SCN4A: variants seen among roughly 807,000 people sequenced by gnomAD.
SCN4A encodes the protein sodium channel protein type 4 subunit alpha.
A neutral mutation model predicts 162.0 loss-of-function variants in SCN4A; 83 were observed. The ratio of observed to expected loss-of-function variants is 0.51; its 90% confidence interval spans 0.43 to 0.61. The LOEUF is 0.61. SCN4A is among the 20% of genes least tolerant of loss of function. SCN4A has a pLI of 0.00. For synonymous variants in SCN4A, 944 were observed against 985.1 expected (o/e 0.96, Z 0.78); for missense variants, 2,196 against 2,462.5 (o/e 0.89, Z 2.29).
At chr17:63,963,526 C>CA in intron 10 of SCN4A, 146 bp downstream of exon 10, 3 of 716,202 alleles carry the variant, frequency 4.2e-6, no homozygotes, top group Non-Finnish European at 6.3e-6. Context: ...GAAGCTGGTC[C>CA]AGCCAGGCCC....
intron 8 of SCN4A, among the ~76,000 whole-genome samples, 172 bp downstream of exon 8, chr17:63,965,930 G>A (rs1909427210): frequency 6.6e-6 from 1 of 152,220 alleles, no homozygotes; most frequent in Non-Finnish European, 1.5e-5. Flanking sequence ...CGGGGCAGGT[G>A]TCTAGTTTCA....
Position 63,947,069 on chromosome 17 carries a change from T to TGCCCTCAGGGGACGCAGG in SCN4A, c.3399_3416dup (p.Arg1135_Leu1140dup). ...CCCTCATGCCCTCGAATCGGGACAG[T>TGCCCTCAGGGGACGCAGG]GCCCTCAGGGGACGCAGGGCCCGCA... is the stretch of plus-strand genomic sequence containing the variant. On this transcript the variant is annotated inframe_insertion, in exon 18 of 24. Coordinates refer to ENST00000435607, the MANE Select transcript of SCN4A (RefSeq NM_000334.4). The TGCCCTCAGGGGACGCAGG allele has an allele frequency of 6.2e-7, 1 of 1,602,856 alleles. No homozygotes were observed. The highest frequency in any genetic ancestry group is 8.5e-7 in the Non-Finnish European group (1 of 1,173,714).
chr17:63,953,273 TC>T (rs930937726), intron 13 of SCN4A, among the ~76,000 whole-genome samples: 33 of 151,588 alleles, frequency 2.2e-4, no homozygotes, highest in Admixed American at 1.1e-3. Context: ...GGCAGGAGAA[TC>T]GCTTGAACCC....
In SCN4A at chr17:63,950,741, T is replaced by A. The variant is rs1908881214; in HGVS notation, c.2853+683A>T. On this transcript the variant is annotated intron_variant, in intron 14 of 23. Coordinates refer to ENST00000435607, the MANE Select transcript of SCN4A (RefSeq NM_000334.4). The surrounding 1 kb of genome is among the most constrained non-coding windows in gnomAD (Gnocchi z 4.6). ...GCTCAAGACCCAGGCAGGGTCAGCC[T>A]CAGCCTCAGCCTCAGCTGCTGGGGG... Among the ~76,000 whole-genome samples the A allele has an allele frequency of 6.6e-6, 1 of 152,118 alleles. No individual in the cohort carries two copies. Among genetic ancestry groups the A allele is most frequent in the South Asian group, 2.1e-4 (1 of 4,834 alleles).
At chr17:63,963,645 G>A in intron 10 of SCN4A, 27 bp downstream of exon 10, 1 of 1,525,224 alleles carries the variant, frequency 6.6e-7, no homozygotes, top group Non-Finnish European at 8.8e-7. Flanking sequence ...CCCTACCTAA[G>A]TGGGCACGGG....
chr17:63,954,389 C>T (rs918224660), intron 13 of SCN4A, among the ~76,000 whole-genome samples: 1 of 152,100 alleles, frequency 6.6e-6, no homozygotes, highest in Non-Finnish European at 1.5e-5. Flanking sequence ...GGGGAGGCAT[C>T]CAGTTGCCAG....
At chr17:63,957,627 C>A (rs575939608) in intron 12 of SCN4A, 109 bp from the exon 13 acceptor site, 12 of 703,610 alleles carry the variant, frequency 1.7e-5, no homozygotes, top group Non-Finnish European at 2.6e-5. Flanking sequence ...TCCAGCCCCC[C>A]ACACCATCTG....
At position 63,945,710 on chromosome 17, in the gene SCN4A, C is replaced by T. The variant is rs764764525; in HGVS notation, c.3442-72G>A. 82 of 1,537,998 alleles carry T rather than the reference C, an allele frequency of 5.3e-5. No homozygotes were observed. Among genetic ancestry groups the T allele is most frequent in the Non-Finnish European group, 7.2e-5 (81 of 1,118,106 alleles). ...AGAGGGCTCCACATCTCTACGCCAC[C>T]CAGGGGACCAGGCAGAGCTGGGCAT... On this transcript the variant is annotated intron_variant, in intron 18 of 23. Transcript: ENST00000435607. The surrounding 1 kb of genome is among the most constrained non-coding windows in gnomAD (Gnocchi z 4.4).
Position 63,945,311 on chromosome 17 carries a change from G to A in SCN4A, c.3720+49C>T, listed in dbSNP as rs1445490456. The A allele has an allele frequency of 3.3e-6, 5 of 1,525,754 alleles. No individual in the cohort carries two copies. The highest frequency in any genetic ancestry group is 4.5e-6 in the Non-Finnish European group (5 of 1,109,870). 94.5% of individuals were successfully genotyped at this position (1,525,754 alleles called of 1,614,324 possible). On this transcript the variant is annotated intron_variant, in intron 19 of 23. Transcript: ENST00000435607. This position sits in a 1 kb window ranked among gnomAD's most constrained non-coding sequence, Gnocchi z 4.4. ...TGGGTACAACGAGAGGACCGGGGTG[G>A]GGGGCACCTCCATCCAGGTTCCCGG...
In SCN4A at chr17:63,946,864, G is replaced by A. The variant is rs191745440; in HGVS notation, c.3441+181C>T. ...GTGGGAATGGGGCAGGCAGAAGATG[G>A]CCTGCGGGGAGGACAGCTAGGGGAG... On this transcript the variant is annotated intron_variant, in intron 18 of 23. Transcript: ENST00000435607. Among the ~76,000 whole-genome samples the A allele has an allele frequency of 4.3e-3, 656 of 152,168 alleles. 1 individual carries two copies. Among genetic ancestry groups the A allele is most frequent in the Non-Finnish European group, 7.1e-3 (483 of 67,990 alleles).
At chr17:63,957,572 C>G (rs1909112269) in intron 12 of SCN4A, 54 bp from the exon 13 acceptor site, 1 of 1,248,106 alleles carries the variant, frequency 8.0e-7, no homozygotes, top group Admixed American at 1.9e-5. Flanking sequence ...CCACCCAAGG[C>G]AGCCCCAGCC....
In SCN4A at chr17:63,957,386, C is replaced by T; in HGVS notation, c.2152G>A (p.Gly718Ser). The change falls in exon 13 of 24, where the codon GGC (glycine) becomes AGC (serine). Residue 718 changes from glycine to serine, a missense_variant. Transcript: ENST00000435607. ...TAGCTCTTGCCAAACAGCTGCATGC[C>T]CACCACGGCGAAGATGAACACGATG... ...AIIVFIFAVVGMQLFGKSYKE... is the reference protein window; with the variant it reads ...AIIVFIFAVVSMQLFGKSYKE... The T allele has an allele frequency of 6.2e-7, 1 of 1,614,096 alleles. No individual in the cohort carries two copies. The highest frequency in any genetic ancestry group is 8.5e-7 in the Non-Finnish European group (1 of 1,179,948).
At chr17:63,946,922 TG>T in intron 18 of SCN4A, 122 bp downstream of exon 18, 1 of 979,580 alleles carries the variant, frequency 1.0e-6, no homozygotes, top group Non-Finnish European at 1.5e-6. Flanking sequence ...GGCAGGGCCG[TG>T]GGTCCAAGCT....
chr17:63,970,254 G>A (rs183558877), intron 5 of SCN4A, among the ~76,000 whole-genome samples: 63 of 152,244 alleles, frequency 4.1e-4, no homozygotes, highest in African/African-American at 1.4e-3. Context: ...GAGCACACAC[G>A]TGTATATCAC....
In SCN4A at chr17:63,940,792, A is replaced by G; in HGVS notation, c.5490T>C (p.Gly1830=). ...CCTGCTAGACAAGAGACTCCTTGAC[A>G]CCTGGGCGCACAGTCTGCCCTGGGG... ...APPPGQTVRP[G]VKESLV The change falls in exon 24 of 24, where the codon GGT becomes GGC. Residue 1830 remains glycine (G), a synonymous_variant. Coordinates refer to ENST00000435607, the MANE Select transcript of SCN4A (RefSeq NM_000334.4). 6.3e-7 allele frequency: 1 copy of G among 1,582,312 alleles called. No individual in the cohort carries two copies. The highest frequency in any genetic ancestry group is 8.6e-7 in the Non-Finnish European group (1 of 1,162,146).
At chr17:63,943,125 G>C (rs768313078) in intron 22 of SCN4A, 29 bp from the exon 23 acceptor site, 5 of 1,595,584 alleles carry the variant, frequency 3.1e-6, no homozygotes, top group Non-Finnish European at 4.3e-6. Context: ...TGGATGTGGA[G>C]GAGTTGGGGT....
chr17:63,964,691 G>T lies in SCN4A; in HGVS notation c.1243-14C>A. ...TGCTCGAAGGGTCTGGGAGTGGAGG[G>T]AGAGGGAGTGGAGGGGTCCCATGAC... On this transcript the variant is annotated splice_polypyrimidine_tract_variant and intron_variant, in intron 8 of 23. Transcript: ENST00000435607. 6.3e-7 allele frequency: 1 copy of T among 1,592,584 alleles called. No individual in the cohort carries two copies. Among genetic ancestry groups the T allele is most frequent in the Non-Finnish European group, 8.5e-7 (1 of 1,169,882 alleles).
At chr17:63,969,682 C>T (rs1040598803) in intron 5 of SCN4A, among the ~76,000 whole-genome samples, 15 of 151,950 alleles carry the variant, frequency 9.9e-5, no homozygotes, top group African/African-American at 3.1e-4. Flanking sequence ...CTCGCTCTGT[C>T]GCCCAGGCTG....
chr17:63,948,690 C>T lies in SCN4A; in HGVS notation c.3065G>A (p.Arg1022Lys), dbSNP rs1285110954. The change falls in exon 16 of 24, where the codon AGG becomes AAG. Residue 1022 changes from arginine to lysine, a missense_variant. Arg to Lys is a conservative substitution (Grantham distance 26). Transcript: ENST00000435607. ...GTGCTCGACAATCTTGAAGCAGGCC[C>T]TGCGCAGAGTCCACCACTTCTTCCC... Reference protein sequence around the residue: ...GRGKKWWTLRRACFKIVEHNW... With the variant: ...GRGKKWWTLRKACFKIVEHNW... The T allele has an allele frequency of 5.6e-6, 9 of 1,613,784 alleles. No homozygotes were observed. The highest frequency in any genetic ancestry group is 7.6e-6 in the Non-Finnish European group (9 of 1,179,852).
Sources: gnomAD v4.1 joint callset for allele counts (sites outside exome capture counted in the v4.1 genomes callset) on GRCh38, gnomAD v4.1.1 for gene constraint, Gnocchi (gnomAD v3.1) non-coding constraint, MANE v1.5 for transcripts, NCBI Gene and HGNC (gene_info 2026-07-23, HGNC 2026-07-21) for gene names.